Variants in ELP2 observed in about 807,000 individuals in gnomAD.
ELP2 encodes elongator acetyltransferase complex subunit 2.
A neutral mutation model predicts 119.2 loss-of-function variants in ELP2; 90 were observed. The ratio of observed to expected loss-of-function variants is 0.75; its 90% CI spans 0.64 to 0.90. The LOEUF (loss-of-function observed/expected upper bound fraction) is 0.90. Among genes scored for constraint, ELP2 ranks in the 40% least tolerant of loss-of-function variants. ELP2 has a pLI of 0.00. For synonymous variants in ELP2, 339 were observed against 331.0 expected (o/e 1.02, Z -0.26); for missense variants, 921 against 967.8 (o/e 0.95, Z 0.64).
intron 2 of ELP2, among the ~76,000 whole-genome samples, chr18:36,134,710 G>T (rs537574753): frequency 3.3e-4 from 50 of 152,276 alleles, no homozygotes; most frequent in African/African-American, 1.2e-3. Context: ...TTCTGGACAA[G>T]ATTATCTCCA....
intron 1 of ELP2, 54 bp from the exon 2 acceptor site, chr18:36,133,184 T>G (rs1048119802): frequency 1.7e-6 from 2 of 1,205,672 alleles, no homozygotes; most frequent in African/African-American, 3.0e-5. Context: ...ACTTATTTAT[T>G]AATTTTTCTG....
chr18:36,162,291 A>G (rs950555641), intron 17 of ELP2, among the ~76,000 whole-genome samples: 2 of 152,168 alleles, frequency 1.3e-5, no homozygotes, highest in African/African-American at 4.8e-5. Context: ...TACATTTTCT[A>G]AAATTGTATA....
chr18:36,142,150 T>C (rs948468542), intron 6 of ELP2, 131 bp from the exon 7 acceptor site: 2 of 777,624 alleles, frequency 2.6e-6, no homozygotes, highest in East Asian at 2.5e-5. Flanking sequence ...GGAATGCTTT[T>C]TCTTGTCTAA....
At chr18:36,142,747 ATATT>A (rs1295298310) in intron 7 of ELP2, 75 bp from the exon 8 acceptor site, 18 of 922,660 alleles carry the variant, frequency 2.0e-5, no homozygotes, top group Non-Finnish European at 2.8e-5. Context: ...GGAAATATAT[ATATT>A]ATAGACAAAA....
chr18:36,171,253 C>A, intron 21 of ELP2, 93 bp downstream of exon 21: 1 of 816,964 alleles, frequency 1.2e-6, no homozygotes, highest in Non-Finnish European at 2.1e-6. Context: ...TGGAGAGGGA[C>A]ATATATCTGT....
At chr18:36,166,148 C>G (rs2144783904) in intron 18 of ELP2, among the ~76,000 whole-genome samples, 1 of 151,322 alleles carries the variant, frequency 6.6e-6, no homozygotes, top group African/African-American at 2.4e-5. Flanking sequence ...AGTGGAGATC[C>G]CACCACGGCA....
Position 36,136,363 on chromosome 18 carries a change from A to G in ELP2, c.274A>G (p.Ile92Val), listed in dbSNP as rs2089824915. 1 of 1,610,816 alleles carries G rather than the reference A, an allele frequency of 6.2e-7. No individual in the cohort carries two copies. Among genetic ancestry groups the G allele is most frequent in the African/African-American group, 1.3e-5 (1 of 74,860 alleles). The change falls in exon 3 of 22, where the codon ATA becomes GTA. Residue 92 changes from isoleucine to valine, a missense_variant. By Grantham distance (29) the Ile-to-Val change is conservative. Transcript: ENST00000358232. ...GSDNQVIHWE[I>V]EDNQLLKAVH... ...TGATAATCAAGTGATTCACTGGGAAATAGAGGATAATCAGGTGAGTGGACA... is the reference window on the plus strand; with the variant it reads ...TGATAATCAAGTGATTCACTGGGAAGTAGAGGATAATCAGGTGAGTGGACA...
At chr18:36,141,692 C>CT (rs1204242187) in intron 6 of ELP2, among the ~76,000 whole-genome samples, 1,758 of 137,230 alleles carry the variant, frequency 0.013, 44 homozygotes, top group African/African-American at 0.038. Flanking sequence ...AGCTATTCAA[C>CT]TTTTTTTTTT....
In ELP2 at chr18:36,151,742, G is replaced by GT. The variant is rs71166098; in HGVS notation, c.1126-3085dup. On this transcript the variant is annotated intron_variant, in intron 11 of 21. Transcript: ENST00000358232. ...CATTTAGTATCTTCTGTTCTGTTCT[G>GT]TTTTTTTTTTTTTTTTTTTTTTTGA... 9.6e-3 allele frequency among the ~76,000 whole-genome samples: 1,054 copies of GT among 109,624 alleles called. 28 individuals are homozygous for GT. The highest frequency in any genetic ancestry group is 0.025 in the African/African-American group (712 of 28,366). The allele number at this position is 109,624 out of a possible 152,430, so 71.9% of individuals were successfully genotyped here.
At chr18:36,165,949 G>A (rs573210071) in intron 18 of ELP2, among the ~76,000 whole-genome samples, 34 of 152,132 alleles carry the variant, frequency 2.2e-4, no homozygotes, top group African/African-American at 7.2e-4. Context: ...TACCACTTTG[G>A]GAGGCTGAGG....
chr18:36,166,481 CT>C (rs1803124157), intron 18 of ELP2, among the ~76,000 whole-genome samples: 1 of 151,646 alleles, frequency 6.6e-6, no homozygotes, highest in Non-Finnish European at 1.5e-5. Flanking sequence ...AAGGCACCTG[CT>C]ACCACACCTG....
chr18:36,145,656 T>C (rs1373789023), intron 9 of ELP2, among the ~76,000 whole-genome samples: 1 of 152,254 alleles, frequency 6.6e-6, no homozygotes, highest in Non-Finnish European at 1.5e-5. Flanking sequence ...GAATTATAGA[T>C]ATTACAGCTT....
chr18:36,151,615 C>T (rs1256233515), intron 11 of ELP2, among the ~76,000 whole-genome samples: 1 of 151,898 alleles, frequency 6.6e-6, no homozygotes, highest in Admixed American at 6.6e-5. Flanking sequence ...TTGAGACAAG[C>T]CTGGGCAACA....
intron 5 of ELP2, chr18:36,139,707 G>C (rs2089955823): frequency 6.1e-6 from 7 of 1,154,830 alleles, no homozygotes; most frequent in Non-Finnish European, 8.3e-6. Context: ...TGGTGGCAAG[G>C]CATGTCCTTA....
At chr18:36,171,206 TG>T (rs1201851546) in intron 21 of ELP2, 46 bp downstream of exon 21, 3 of 1,454,882 alleles carry the variant, frequency 2.1e-6, no homozygotes, top group Non-Finnish European at 2.9e-6. Flanking sequence ...CTAGAAATTG[TG>T]GGGTCTTTCA....
At chr18:36,138,544 A>G in intron 4 of ELP2, 118 bp downstream of exon 4, 1 of 1,176,804 alleles carries the variant, frequency 8.5e-7, no homozygotes, top group Admixed American at 2.4e-5. Context: ...AAATACTATA[A>G]TTCTAATCTA....
intron 2 of ELP2, among the ~76,000 whole-genome samples, chr18:36,135,416 C>T (rs2089789455): frequency 6.6e-6 from 1 of 152,126 alleles, no homozygotes; most frequent in Non-Finnish European, 1.5e-5. Context: ...GGCTCAATTG[C>T]TGTGACACAT....
intron 17 of ELP2, among the ~76,000 whole-genome samples, chr18:36,161,278 G>T: frequency 6.6e-6 from 1 of 152,018 alleles, no homozygotes. Flanking sequence ...CTGCAATCCC[G>T]GCTACTCAGG....
Position 36,144,636 on chromosome 18 carries a change from C to A in ELP2, c.797-303C>A, listed in dbSNP as rs1207063522. 2.6e-5 allele frequency among the ~76,000 whole-genome samples: 4 copies of A among 152,166 alleles called. No homozygotes were observed. The East Asian group carries it at 7.7e-4, about 29-fold the overall frequency. On this transcript the variant is annotated intron_variant, in intron 8 of 21. Coordinates refer to ENST00000358232, the MANE Select transcript of ELP2 (RefSeq NM_018255.4). ...GAGGCTGGCATGACTGTTTTTCCTT[C>A]CTCATTGTGGTTTAACAAAAGTAGC...
Sources: gnomAD v4.1 joint callset for allele counts (sites outside exome capture counted in the v4.1 genomes callset) on GRCh38, gnomAD v4.1.1 for gene constraint, MANE v1.5 for transcripts, NCBI Gene and HGNC (gene_info 2026-07-23, HGNC 2026-07-21) for gene names.